ADGRB3: variants seen among roughly 807,000 people sequenced by gnomAD.
ADGRB3 encodes the protein brain-specific angiogenesis inhibitor 3.
Under a neutral mutation model 193.4 loss-of-function variants are expected in ADGRB3, and 37 were observed. That is an observed-to-expected ratio of 0.19 (90% CI 0.15 to 0.25). The LOEUF (loss-of-function observed/expected upper bound fraction) is 0.25. ADGRB3 is among the 10% of genes least tolerant of loss of function. ADGRB3 has a pLI of 1.00. For missense variants in ADGRB3, 1,637 were observed against 1,852.9 expected (o/e 0.88, Z 2.14); for synonymous variants, 690 against 644.2 (o/e 1.07, Z -1.08).
At chr6:69,136,351 A>G (rs1774148959) in intron 17 of ADGRB3, among the ~76,000 whole-genome samples, 2 of 152,140 alleles carry the variant, frequency 1.3e-5, no homozygotes, top group South Asian at 2.1e-4. Context: ...TAACCTCAAA[A>G]AAATGAAAGA....
rs181524143 is a variant in ADGRB3, at chr6:69,032,169, A to T, written c.2107+13670A>T. Among the ~76,000 whole-genome samples the T allele has an allele frequency of 1.6e-3, 238 of 152,308 alleles. 1 individual carries two copies. The highest frequency in any genetic ancestry group is 5.2e-3 in the African/African-American group (215 of 41,570). ...TTCTATTTCCCTGGAGACCTTGTAT[A>T]TGAAAGATCTTGGAATTATAGGTCT... On this transcript the variant is annotated intron_variant, in intron 13 of 31. Transcript: ENST00000370598.
intron 17 of ADGRB3, among the ~76,000 whole-genome samples, chr6:69,098,057 G>A (rs1772935042): frequency 6.6e-6 from 1 of 152,146 alleles, no homozygotes; most frequent in Non-Finnish European, 1.5e-5. Flanking sequence ...CCTCAGCATT[G>A]CAAGTAATTT....
rs539977346 is a variant in ADGRB3, at chr6:68,848,994, A to T, written c.758-81565A>T. On this transcript the variant is annotated intron_variant, in intron 3 of 31. Coordinates refer to ENST00000370598, the MANE Select transcript of ADGRB3 (RefSeq NM_001704.3). ...TTCCTGAAATTGGAAGGAATAAAGGAGGAAACAAAAGAGTACATATAAGAT... is the reference window on the plus strand; with the variant it reads ...TTCCTGAAATTGGAAGGAATAAAGGTGGAAACAAAAGAGTACATATAAGAT... 1.3e-3 allele frequency among the ~76,000 whole-genome samples: 195 copies of T among 152,174 alleles called. 1 individual carries two copies. Among genetic ancestry groups the T allele is most frequent in the Non-Finnish European group, 2.1e-3 (142 of 67,908 alleles).
intron 20 of ADGRB3, among the ~76,000 whole-genome samples, chr6:69,247,439 C>T (rs1195676655): frequency 6.6e-6 from 1 of 152,188 alleles, no homozygotes; most frequent in East Asian, 1.9e-4. Context: ...CTCCTAGGGA[C>T]CGTGTCTGTG....
At chr6:68,673,709 T>G (rs1324952752) in intron 3 of ADGRB3, among the ~76,000 whole-genome samples, 1 of 152,156 alleles carries the variant, frequency 6.6e-6, no homozygotes, top group Non-Finnish European at 1.5e-5. Context: ...CCTGGCTTTT[T>G]TTTCAGGGCT....
Position 68,990,446 on chromosome 6 carries a change from G to A in ADGRB3, c.1735-3322G>A, listed in dbSNP as rs187785575. ...GGAAGGATGCTAATCAGTGCCAATT[G>A]TTAGAGCTGGTGTTGTCATCTGGGC... On this transcript the variant is annotated intron_variant, in intron 10 of 31. Coordinates refer to ENST00000370598, the MANE Select transcript of ADGRB3 (RefSeq NM_001704.3). 2.4e-4 allele frequency among the ~76,000 whole-genome samples: 37 copies of A among 152,226 alleles called. No homozygotes were observed. The East Asian group carries it at 7.2e-3, about 29-fold the overall frequency.
intron 10 of ADGRB3, among the ~76,000 whole-genome samples, chr6:68,976,420 A>C (rs974453392): frequency 1.3e-5 from 2 of 152,134 alleles, no homozygotes; most frequent in African/African-American, 4.8e-5. Context: ...ACTTATGTAT[A>C]TCTATATACA....
At chr6:68,898,506 C>T (rs1282034705) in intron 3 of ADGRB3, among the ~76,000 whole-genome samples, 1 of 152,056 alleles carries the variant, frequency 6.6e-6, no homozygotes, top group Non-Finnish European at 1.5e-5. Flanking sequence ...TTTACGATCA[C>T]AACATTATAG....
chr6:69,187,967 G>C (rs1765104216), intron 17 of ADGRB3, among the ~76,000 whole-genome samples: 1 of 152,146 alleles, frequency 6.6e-6, no homozygotes. Flanking sequence ...ATCATTCTGT[G>C]ACTTGTCCAA....
intron 17 of ADGRB3, among the ~76,000 whole-genome samples, chr6:69,227,545 G>A (rs1421559001): frequency 6.6e-6 from 1 of 152,170 alleles, no homozygotes. Context: ...TGAAATAGAA[G>A]GGTAGGACTG....
intron 13 of ADGRB3, among the ~76,000 whole-genome samples, chr6:69,025,592 T>A (rs958537792): frequency 6.6e-6 from 1 of 151,896 alleles, no homozygotes; most frequent in African/African-American, 2.4e-5. Flanking sequence ...GATTTGAGTC[T>A]GAATGTGCTA....
At chr6:68,975,551 A>G (rs1049310260) in intron 10 of ADGRB3, among the ~76,000 whole-genome samples, 1 of 152,198 alleles carries the variant, frequency 6.6e-6, no homozygotes, top group Non-Finnish European at 1.5e-5. Context: ...GGATCCTGCT[A>G]TTTAAATGAA....
intron 17 of ADGRB3, among the ~76,000 whole-genome samples, chr6:69,103,737 T>C (rs1773131852): frequency 6.6e-6 from 1 of 151,086 alleles, no homozygotes; most frequent in Non-Finnish European, 1.5e-5. Flanking sequence ...CATCTATATA[T>C]CCAAATTTGT....
chr6:69,318,248 A>T (rs1487125296), intron 20 of ADGRB3, among the ~76,000 whole-genome samples: 1 of 151,432 alleles, frequency 6.6e-6, no homozygotes, highest in African/African-American at 2.4e-5. Flanking sequence ...AAGAATGTTC[A>T]CTTCAATATA....
At chr6:69,320,939 C>G (rs1413573648) in intron 20 of ADGRB3, among the ~76,000 whole-genome samples, 1 of 151,288 alleles carries the variant, frequency 6.6e-6, no homozygotes, top group Non-Finnish European at 1.5e-5. Flanking sequence ...CTACCTTTCC[C>G]CCAAATTTCC....
chr6:68,857,882 T>C (rs1054074256), intron 3 of ADGRB3, among the ~76,000 whole-genome samples: 9 of 152,150 alleles, frequency 5.9e-5, no homozygotes, highest in African/African-American at 2.2e-4. Flanking sequence ...TGGGAGATGA[T>C]TGAATTATGT....
intron 17 of ADGRB3, among the ~76,000 whole-genome samples, chr6:69,210,983 G>A (rs1169678566): frequency 3.3e-5 from 5 of 151,986 alleles, no homozygotes; most frequent in African/African-American, 4.8e-5. Flanking sequence ...TTAACCAGGC[G>A]TGGTGGCAGG....
At chr6:69,275,494 A>C (rs964486838) in intron 20 of ADGRB3, among the ~76,000 whole-genome samples, 4 of 152,078 alleles carry the variant, frequency 2.6e-5, no homozygotes, top group African/African-American at 9.7e-5. Context: ...GTTTTGGAGG[A>C]GGCAGTAGCT....
chr6:69,054,474 G>C (rs1021413348), intron 15 of ADGRB3, among the ~76,000 whole-genome samples: 6 of 152,272 alleles, frequency 3.9e-5, no homozygotes, highest in Non-Finnish European at 8.8e-5. Flanking sequence ...TTAGGTTTAG[G>C]ACCTAAACTT....
Sources: gnomAD v4.1 joint callset for allele counts (sites outside exome capture counted in the v4.1 genomes callset) on GRCh38, gnomAD v4.1.1 for gene constraint, MANE v1.5 for transcripts, NCBI Gene and HGNC (gene_info 2026-07-23, HGNC 2026-07-21) for gene names.